FGF7: variants seen among roughly 807,000 people sequenced by gnomAD.
The protein encoded by FGF7 is FGF-7.
In FGF7, 6 loss-of-function variants were observed where a neutral mutation model predicts 20.5. The observed-to-expected ratio is 0.29, with a 90% CI of 0.16 to 0.58. The LOEUF (loss-of-function observed/expected upper bound fraction) is 0.58, where lower values mean the gene tolerates loss of function less well. Among genes scored for constraint, FGF7 ranks in the 20% least tolerant of loss-of-function variants. FGF7 has a pLI of 0.90. For missense variants in FGF7, 144 were observed against 228.8 expected (o/e 0.63, Z 2.39); for synonymous variants, 64 against 74.7 (o/e 0.86, Z 0.74).
At chr15:49,429,842 T>A (rs1424372680) in intron 2 of FGF7, among the ~76,000 whole-genome samples, 3 of 151,894 alleles carry the variant, frequency 2.0e-5, no homozygotes, top group Non-Finnish European at 4.4e-5. Context: ...TAAGTCAGAA[T>A]CTCACAAAGG....
intron 3 of FGF7, among the ~76,000 whole-genome samples, chr15:49,483,733 T>C (rs1247371046): frequency 2.0e-5 from 3 of 152,086 alleles, no homozygotes; most frequent in African/African-American, 7.2e-5. Flanking sequence ...ATGCAAAATA[T>C]GTAACAGTTC....
chr15:49,444,753 T>C (rs559293385), intron 2 of FGF7, among the ~76,000 whole-genome samples: 7 of 151,846 alleles, frequency 4.6e-5, no homozygotes, highest in African/African-American at 1.7e-4. Context: ...TATCTCCAGC[T>C]TTTTAAATAC....
chr15:49,441,577 G>T (rs908968386), intron 2 of FGF7, among the ~76,000 whole-genome samples: 8 of 151,500 alleles, frequency 5.3e-5, no homozygotes, highest in African/African-American at 1.7e-4. Flanking sequence ...TCCATATATA[G>T]AGAGAAAAGG....
intron 3 of FGF7, among the ~76,000 whole-genome samples, chr15:49,483,827 A>AT (rs1238169060): frequency 6.6e-6 from 1 of 152,088 alleles, no homozygotes; most frequent in Admixed American, 6.6e-5. Context: ...GAATGAACAA[A>AT]TGGTTGCATG....
chr15:49,476,092 C>G (rs2055238290), intron 2 of FGF7, among the ~76,000 whole-genome samples: 2 of 152,060 alleles, frequency 1.3e-5, no homozygotes, highest in African/African-American at 4.8e-5. Context: ...ATGTTTCCAT[C>G]TTTTCTACCT....
chr15:49,478,418 C>T (rs565588763), intron 2 of FGF7, among the ~76,000 whole-genome samples: 92 of 150,870 alleles, frequency 6.1e-4, no homozygotes, highest in African/African-American at 2.1e-3. Context: ...ATGTATATGT[C>T]GGTGTATTTT....
At chr15:49,437,934 A>AT (rs906887515) in intron 2 of FGF7, among the ~76,000 whole-genome samples, 4 of 151,692 alleles carry the variant, frequency 2.6e-5, no homozygotes, top group Non-Finnish European at 5.9e-5. Context: ...CTCAAAAAAC[A>AT]TATTTTAACC....
intron 2 of FGF7, among the ~76,000 whole-genome samples, chr15:49,444,197 A>G (rs759869078): frequency 2.6e-5 from 4 of 151,664 alleles, no homozygotes; most frequent in Non-Finnish European, 5.9e-5. Flanking sequence ...TCATTATAGT[A>G]TCCATTCTCC....
chr15:49,443,613 T>C (rs1022230703), intron 2 of FGF7, among the ~76,000 whole-genome samples: 1 of 151,798 alleles, frequency 6.6e-6, no homozygotes, highest in Non-Finnish European at 1.5e-5. Flanking sequence ...CTAAAAACTA[T>C]GATCTAATTC....
Position 49,487,517 on chromosome 15 carries a change from T to C in FGF7, c.*3013T>C, listed in dbSNP as rs1372840747. 5 of 151,846 alleles carry C rather than the reference T, an allele frequency of 3.3e-5. No individual in the cohort carries two copies. The highest frequency in any genetic ancestry group is 4.8e-5 in the African/African-American group (2 of 41,376). The allele number at this position is 151,846 out of a possible 1,614,324, so 9.4% of individuals were successfully genotyped here. On this transcript the variant is annotated 3_prime_UTR_variant, in exon 4 of 4. Transcript: ENST00000267843. ...GACAGAAGAGAAGGGATGCTGGAGG[T>C]AAATTCTTAGGGTTTCTATCTCATA... is the stretch of plus-strand genomic sequence containing the variant.
chr15:49,481,318 A>T (rs1205845884), intron 2 of FGF7, among the ~76,000 whole-genome samples: 3 of 152,250 alleles, frequency 2.0e-5, no homozygotes, highest in Non-Finnish European at 4.4e-5. Context: ...AAATATGTTG[A>T]ATCAATGAAT....
chr15:49,467,683 G>A (rs2054386348), intron 2 of FGF7, among the ~76,000 whole-genome samples: 1 of 152,134 alleles, frequency 6.6e-6, no homozygotes, highest in Non-Finnish European at 1.5e-5. Flanking sequence ...TTTAGCAGAT[G>A]TAAATAGTCT....
chr15:49,471,290 G>C (rs2054723572), intron 2 of FGF7, among the ~76,000 whole-genome samples: 2 of 151,608 alleles, frequency 1.3e-5, no homozygotes, highest in Admixed American at 1.3e-4. Context: ...TTCGAGACTA[G>C]CCTGGCTAAC....
At chr15:49,460,718 C>T (rs186887003) in intron 2 of FGF7, among the ~76,000 whole-genome samples, 1 of 152,236 alleles carries the variant, frequency 6.6e-6, no homozygotes, top group Non-Finnish European at 1.5e-5. Flanking sequence ...ATTAAACAAT[C>T]TAAAACCCCT....
chr15:49,449,807 A>G (rs1371139790), intron 2 of FGF7, among the ~76,000 whole-genome samples: 1 of 1,940 alleles, frequency 5.2e-4, no homozygotes, highest in African/African-American at 5.3e-4. Flanking sequence ...ATAGTCAATT[A>G]TAAAGATACA....
intron 2 of FGF7, among the ~76,000 whole-genome samples, chr15:49,454,238 A>C (rs1032745595): frequency 6.6e-6 from 1 of 152,192 alleles, no homozygotes; most frequent in Non-Finnish European, 1.5e-5. Context: ...GGAATCCCTG[A>C]AATATACCAT....
chr15:49,460,108 G>A (rs576417039), intron 2 of FGF7, among the ~76,000 whole-genome samples: 2 of 152,168 alleles, frequency 1.3e-5, no homozygotes, highest in East Asian at 1.9e-4. Context: ...CCTGTGCAAG[G>A]AATGTCAAGC....
In FGF7 at chr15:49,467,688, T is replaced by C. The variant is rs530542133; in HGVS notation, c.287-15463T>C. Among the ~76,000 whole-genome samples, 136 of 152,264 alleles carry C rather than the reference T, an allele frequency of 8.9e-4. 5 individuals are homozygous for C. The South Asian group carries it at 0.026, about 29-fold the overall frequency. On this transcript the variant is annotated intron_variant, in intron 2 of 3. Transcript: ENST00000267843. ...CAGTGTTGTATTTAGCAGATGTAAA[T>C]AGTCTACATTGTCAGACAAATAATT...
intron 2 of FGF7, among the ~76,000 whole-genome samples, chr15:49,438,835 G>GAGAA (rs745914807): frequency 1.3e-4 from 4 of 31,550 alleles, no homozygotes; most frequent in Non-Finnish European, 3.2e-4. Context: ...CTAAGCAACT[G>GAGAA]AGAGAGAGAG....
Sources: allele counts gnomAD v4.1 joint callset (sites outside exome capture counted in the v4.1 genomes callset), GRCh38; gene constraint gnomAD v4.1.1; transcripts MANE v1.5; gene names NCBI Gene and HGNC (gene_info 2026-07-23, HGNC 2026-07-21).